The following FEM1B variants were observed in gnomAD, a reference collection of about 807,000 sequenced individuals.
FEM1B encodes the protein fem-1 homolog B.
FEM1B carries 10 observed loss-of-function variants against 38.6 expected under a neutral mutation model. That is an observed-to-expected ratio of 0.26 (90% CI 0.16 to 0.44). The LOEUF (loss-of-function observed/expected upper bound fraction) is 0.44. Ranked by LOEUF, FEM1B falls within the 20% of genes least tolerant of loss-of-function variation. The pLI, the probability that FEM1B is intolerant of heterozygous loss-of-function variation, is 1.00. For synonymous variants in FEM1B, 288 were observed against 288.0 expected (o/e 1.00, Z 0.00); for missense variants, 471 against 786.7 (o/e 0.60, Z 4.80).
chr15:68,285,785 GC>G (rs34601322), intron 1 of FEM1B, among the ~76,000 whole-genome samples: 8 of 150,904 alleles, frequency 5.3e-5, no homozygotes, highest in East Asian at 1.9e-4. Flanking sequence ...CCTCTTCTTA[GC>G]CCCCCCGCAG....
chr15:68,291,011 C>T lies in FEM1B; in HGVS notation c.1653C>T (p.Thr551=). Residue 551 remains threonine, a synonymous_variant, in exon 2 of 2, where the codon ACC becomes ACT. Transcript: ENST00000306917. The surrounding 1 kb of genome is among the most constrained non-coding windows in gnomAD (Gnocchi z 6.9). ...ACAGGCCCATCAGTGATTTTTTGAC[C>T]TTGCACTCCATCATCATTAGCCTAG... is the stretch of plus-strand genomic sequence containing the variant. The part of the protein sequence containing the change: ...QYNRPISDFL[T]LHSIIISLVE... 6.2e-7 allele frequency: 1 copy of T among 1,614,132 alleles called. No homozygotes were observed. Among genetic ancestry groups the T allele is most frequent in the South Asian group, 1.1e-5 (1 of 91,082 alleles).
At chr15:68,285,694 T>C (rs1291458156) in intron 1 of FEM1B, among the ~76,000 whole-genome samples, 1 of 152,000 alleles carries the variant, frequency 6.6e-6, no homozygotes, top group East Asian at 1.9e-4. Context: ...GTTCAGTCTT[T>C]TTTTTTTTTT....
At position 68,284,883 on chromosome 15, in the gene FEM1B, C is replaced by T. The variant is rs1269453980; in HGVS notation, c.249-4724C>T. Among the ~76,000 whole-genome samples, 1 of 152,220 alleles carries T rather than the reference C, an allele frequency of 6.6e-6. No individual in the cohort carries two copies. The highest frequency in any genetic ancestry group is 1.5e-5 in the Non-Finnish European group (1 of 68,042). On this transcript the variant is annotated intron_variant, in intron 1 of 1. Coordinates refer to ENST00000306917, the MANE Select transcript of FEM1B (RefSeq NM_015322.5). This position sits in a 1 kb window ranked among gnomAD's most constrained non-coding sequence, Gnocchi z 4.4. Reference sequence around the variant, plus strand: ...GATTGTAAGGGGGAGATTCCCTGCACAAGCTCACTTTGCCTGCTGCCATCC... The same window carrying T: ...GATTGTAAGGGGGAGATTCCCTGCATAAGCTCACTTTGCCTGCTGCCATCC...
chr15:68,278,749 C>CCTCT lies in FEM1B; in HGVS notation c.248+87_248+90dup, dbSNP rs1017044917. The CCTCT allele has an allele frequency of 5.9e-6, 9 of 1,514,902 alleles. No homozygotes were observed. Among genetic ancestry groups the CCTCT allele is most frequent in the Non-Finnish European group, 8.2e-6 (9 of 1,100,990 alleles). The allele number at this position is 1,514,902 out of a possible 1,614,324, so 93.8% of individuals were successfully genotyped here. ...CCTCCCCTCCCTCACCCTCTCTTAC[C>CCTCT]CTCTCTTCATGTAGGTACTCACTTC... is the stretch of plus-strand genomic sequence containing the variant. On this transcript the variant is annotated intron_variant, in intron 1 of 1. Transcript: ENST00000306917. The surrounding 1 kb of genome is among the most constrained non-coding windows in gnomAD (Gnocchi z 5.7).
Position 68,293,150 on chromosome 15 carries a change from C to T in FEM1B, c.*1908C>T, listed in dbSNP as rs752447501. On this transcript the variant is annotated 3_prime_UTR_variant, in exon 2 of 2. Coordinates refer to ENST00000306917, the MANE Select transcript of FEM1B (RefSeq NM_015322.5). This position sits in a 1 kb window ranked among gnomAD's most constrained non-coding sequence, Gnocchi z 5.8. The stretch of plus-strand genomic sequence containing the variant: ...CTTGCTCTTAGCAACTCTCAGTGGC[C>T]TGAAAGAGAAAATGCACTTCTTCAA... The T allele has an allele frequency of 6.6e-6, 1 of 152,152 alleles. No individual in the cohort carries two copies. The highest frequency in any genetic ancestry group is 1.5e-5 in the Non-Finnish European group (1 of 68,012). The allele number at this position is 152,152 out of a possible 1,614,324, so 9.4% of individuals were successfully genotyped here.
rs943461781 is a variant in FEM1B at position 68,281,349 on chromosome 15, C to G, written c.248+2684C>G. On this transcript the variant is annotated intron_variant, in intron 1 of 1. Transcript: ENST00000306917. The surrounding 1 kb of genome is among the most constrained non-coding windows in gnomAD (Gnocchi z 5.1). ...AACCTGCTGTTTACTTAATAAATAT[C>G]TTTTCTTTAAATTGTCTGTTATTTG... Among the ~76,000 whole-genome samples the G allele has an allele frequency of 1.3e-5, 2 of 152,114 alleles. No individual in the cohort carries two copies. The highest frequency in any genetic ancestry group is 4.8e-5 in the African/African-American group (2 of 41,410).
In FEM1B at chr15:68,278,413, C is replaced by T; in HGVS notation, c.-5C>T. ...ACCAAACGGGTGTTGGAGTTGGCGG[C>T]GGCCATGGAGGGCCTGGCTGGCTAT... is the stretch of plus-strand genomic sequence containing the variant. On this transcript the variant is annotated 5_prime_UTR_variant, in exon 1 of 2. Transcript: ENST00000306917. The surrounding 1 kb of genome is among the most constrained non-coding windows in gnomAD (Gnocchi z 5.7). The T allele has an allele frequency of 1.9e-6, 3 of 1,607,760 alleles. No homozygotes were observed. Among genetic ancestry groups the T allele is most frequent in the Non-Finnish European group, 2.5e-6 (3 of 1,177,190 alleles).
Position 68,278,799 on chromosome 15 carries a change from C to T in FEM1B, c.248+134C>T. The T allele has an allele frequency of 2.2e-6, 2 of 924,130 alleles. No individual in the cohort carries two copies. The highest frequency in any genetic ancestry group is 1.6e-5 in the South Asian group (1 of 62,214). 57.2% of individuals were successfully genotyped at this position (924,130 alleles called of 1,614,324 possible). A position where few individuals can be genotyped will look rare whatever the true frequency, so the allele number is the denominator to read the frequency against. ...CTCCCCTTTTTGTACCACCTCCTGC[C>T]CCACTAATGCCCACTTCATCTTCCA... On this transcript the variant is annotated intron_variant, in intron 1 of 1. Coordinates refer to ENST00000306917, the MANE Select transcript of FEM1B (RefSeq NM_015322.5). The surrounding 1 kb of genome is among the most constrained non-coding windows in gnomAD (Gnocchi z 5.7).
intron 1 of FEM1B, among the ~76,000 whole-genome samples, chr15:68,286,533 TTATATCGAATC>T (rs1892789685): frequency 6.6e-6 from 1 of 152,050 alleles, no homozygotes; most frequent in South Asian, 2.1e-4. Flanking sequence ...TTCATTTGGT[TTATATCGAATC>T]TATAGATCAT....
intron 1 of FEM1B, among the ~76,000 whole-genome samples, chr15:68,286,912 A>C (rs915658500): frequency 1.3e-5 from 2 of 151,914 alleles, no homozygotes; most frequent in Non-Finnish European, 2.9e-5. Flanking sequence ...TTTGAGATGG[A>C]GTTTTGCTCT....
At position 68,290,700 on chromosome 15, in the gene FEM1B, C is replaced by T; in HGVS notation, c.1342C>T (p.Leu448=). The T allele has an allele frequency of 1.2e-6, 2 of 1,614,048 alleles. No homozygotes were observed. Among genetic ancestry groups the T allele is most frequent in the Non-Finnish European group, 1.7e-6 (2 of 1,179,962 alleles). The part of the protein sequence containing the change: ...DNYECNLYTF[L]YLVCISTKTQ... ...TTATGAATGTAATCTCTATACCTTTCTGTATTTAGTGTGCATCTCTACCAA... is the reference window on the plus strand; with the variant it reads ...TTATGAATGTAATCTCTATACCTTTTTGTATTTAGTGTGCATCTCTACCAA... Residue 448 remains leucine (L), a synonymous_variant, in exon 2 of 2, where the codon CTG becomes TTG. Coordinates refer to ENST00000306917, the MANE Select transcript of FEM1B (RefSeq NM_015322.5). The surrounding 1 kb of genome is among the most constrained non-coding windows in gnomAD (Gnocchi z 9.7).
At position 68,290,987 on chromosome 15, in the gene FEM1B, C is replaced by T. The variant is rs768506639; in HGVS notation, c.1629C>T (p.Asn543=). ...NSALHIIVQY[N]RPISDFLTLH... ...CCCTTCATATTATCGTTCAGTACAA[C>T]AGGCCCATCAGTGATTTTTTGACCT... Residue 543 remains asparagine, a synonymous_variant, in exon 2 of 2, where the codon AAC becomes AAT. Coordinates refer to ENST00000306917, the MANE Select transcript of FEM1B (RefSeq NM_015322.5). The surrounding 1 kb of genome is among the most constrained non-coding windows in gnomAD (Gnocchi z 9.7). 4.3e-5 allele frequency: 69 copies of T among 1,614,182 alleles called. No individual in the cohort carries two copies. In the Middle Eastern group the frequency reaches 1.5e-3, roughly 35 times the overall value.
rs747060338 is a variant in FEM1B at position 68,278,573 on chromosome 15, C to T, written c.156C>T (p.Ile52=). The change falls in exon 1 of 2, where the codon ATC becomes ATT. Residue 52 remains isoleucine (I), a synonymous_variant. Transcript: ENST00000306917. This position sits in a 1 kb window ranked among gnomAD's most constrained non-coding sequence, Gnocchi z 5.7. ...GGCAGCGCTCCACGCCCCTCATCAT[C>T]GCAGCCCGCAATGGACACGCAAAGG... ...QGGQRSTPLI[I]AARNGHAKVV... 7 of 1,614,010 alleles carry T rather than the reference C, an allele frequency of 4.3e-6. No individual in the cohort carries two copies. Among genetic ancestry groups the T allele is most frequent in the Admixed American group, 1.7e-5 (1 of 60,004 alleles).
chr15:68,286,393 T>A (rs1259211099), intron 1 of FEM1B, among the ~76,000 whole-genome samples: 1 of 152,134 alleles, frequency 6.6e-6, no homozygotes, highest in Non-Finnish European at 1.5e-5. Flanking sequence ...CTTCCCATTT[T>A]AGAGAGAGGT....
chr15:68,293,021 G>C lies in FEM1B; in HGVS notation c.*1779G>C, dbSNP rs1892863944. The C allele has an allele frequency of 6.6e-6, 1 of 152,142 alleles. No individual in the cohort carries two copies. Among genetic ancestry groups the C allele is most frequent in the Non-Finnish European group, 1.5e-5 (1 of 68,002 alleles). The allele number at this position is 152,142 out of a possible 1,614,324, so 9.4% of individuals were successfully genotyped here. On this transcript the variant is annotated 3_prime_UTR_variant, in exon 2 of 2. Transcript: ENST00000306917. The surrounding 1 kb of genome is among the most constrained non-coding windows in gnomAD (Gnocchi z 5.8). ...TTTTCCTAACCTGAGATTTTACAAGGAAGGTTTTTAGGTTGGCTTAAATGG... is the reference window on the plus strand; with the variant it reads ...TTTTCCTAACCTGAGATTTTACAAGCAAGGTTTTTAGGTTGGCTTAAATGG...
rs1200310238 is a variant in FEM1B at position 68,280,585 on chromosome 15, A to G, written c.248+1920A>G. 6.6e-6 allele frequency among the ~76,000 whole-genome samples: 1 copy of G among 152,196 alleles called. No homozygotes were observed. The highest frequency in any genetic ancestry group is 1.5e-5 in the Non-Finnish European group (1 of 68,030). ...TTCGAGCTGTGTTTTAAAGAATAGTAGTAGGACATGAAGAAGAGGGGCAGC... is the reference window on the plus strand; with the variant it reads ...TTCGAGCTGTGTTTTAAAGAATAGTGGTAGGACATGAAGAAGAGGGGCAGC... On this transcript the variant is annotated intron_variant, in intron 1 of 1. Coordinates refer to ENST00000306917, the MANE Select transcript of FEM1B (RefSeq NM_015322.5). The surrounding 1 kb of genome is among the most constrained non-coding windows in gnomAD (Gnocchi z 4.2).
At chr15:68,285,479 C>A (rs1892775091) in intron 1 of FEM1B, among the ~76,000 whole-genome samples, 1 of 152,214 alleles carries the variant, frequency 6.6e-6, no homozygotes, top group Non-Finnish European at 1.5e-5. Flanking sequence ...TTCCTACTTG[C>A]AGTTTCCACC....
chr15:68,285,004 G>T (rs1268259528), intron 1 of FEM1B, among the ~76,000 whole-genome samples: 2 of 152,136 alleles, frequency 1.3e-5, no homozygotes, highest in Non-Finnish European at 2.9e-5. Flanking sequence ...TCTTTCTTTT[G>T]TAAGTTGCCC....
In FEM1B at chr15:68,290,443, A is replaced by C. The variant is rs1462851262; in HGVS notation, c.1085A>C (p.Gln362Pro). ...TATGCGGATAATATGGAATTTGAGC[A>C]GTGTATCAAGTTGTGGCTTCATGCC... Reference protein sequence around the residue: ...AVYADNMEFEQCIKLWLHALH... With the variant: ...AVYADNMEFEPCIKLWLHALH... The change falls in exon 2 of 2, where the codon CAG becomes CCG. Residue 362 changes from glutamine (Q) to proline (P), a missense_variant. By Grantham distance (76) the Gln-to-Pro change is moderately conservative (BLOSUM62 -1). This residue lies in a region of FEM1B where 380 missense variants were observed against 599.6 expected (regional missense o/e 0.63). Coordinates refer to ENST00000306917, the MANE Select transcript of FEM1B (RefSeq NM_015322.5). The surrounding 1 kb of genome is among the most constrained non-coding windows in gnomAD (Gnocchi z 9.7). 4 of 1,614,184 alleles carry C rather than the reference A, an allele frequency of 2.5e-6. No homozygotes were observed.
Sources: allele counts gnomAD v4.1 joint callset (sites outside exome capture counted in the v4.1 genomes callset), GRCh38; gene constraint gnomAD v4.1.1; regional missense constraint gnomAD v4.1.1; non-coding constraint Gnocchi (gnomAD v3.1); transcripts MANE v1.5; gene names NCBI Gene and HGNC (gene_info 2026-07-23, HGNC 2026-07-21).